CD320: variants seen among roughly 807,000 people sequenced by gnomAD.
CD320 encodes CD320 antigen.
A neutral mutation model predicts 22.1 loss-of-function variants in CD320; 16 were observed. That is an observed-to-expected ratio of 0.73 (90% CI 0.49 to 1.10). CD320 has a LOEUF of 1.10. CD320 is among the 50% of genes least tolerant of loss of function. CD320 has a pLI of 0.00. For missense variants in CD320, 388 were observed against 376.9 expected, an observed-to-expected ratio of 1.03 and a Z score of -0.24; for synonymous variants, 188 against 167.8, an observed-to-expected ratio of 1.12 and a Z score of -0.93.
rs1451434573 is a variant in CD320 at position 8,302,306 on chromosome 19, A to C, written c.*157T>G. On this transcript the variant is annotated 3_prime_UTR_variant, in exon 5 of 5. Transcript: ENST00000301458. ...GAGTGTCCAGGGACCCTCAATCTCCAGGGCCACTTCTGCAGGAGCTCGGGT... is the reference window on the plus strand; with the variant it reads ...GAGTGTCCAGGGACCCTCAATCTCCCGGGCCACTTCTGCAGGAGCTCGGGT... 3 of 913,724 alleles carry C rather than the reference A, an allele frequency of 3.3e-6. No individual in the cohort carries two copies. In the Admixed American group the frequency reaches 5.4e-5, roughly 16 times the overall value. The allele number at this position is 913,724 out of a possible 1,614,324, so 56.6% of individuals were successfully genotyped here.
chr19:8,304,933 G>A, intron 2 of CD320, 98 bp downstream of exon 2: 1 of 1,446,804 alleles, frequency 6.9e-7, no homozygotes, highest in Non-Finnish European at 9.5e-7. Flanking sequence ...CTGCGGCCCT[G>A]CCTTTCCCAC....
chr19:8,306,896 G>A (rs528245991), intron 1 of CD320, among the ~76,000 whole-genome samples: 137 of 152,304 alleles, frequency 9.0e-4, no homozygotes, highest in African/African-American at 2.9e-3. Context: ...CGCCTCATAG[G>A]GTGTAAGCCT....
In CD320 at chr19:8,303,874, G is replaced by A. The variant is rs2232784; in HGVS notation, c.483C>T (p.Ser161=). The change falls in exon 3 of 5, where the codon TCC becomes TCT. Residue 161 remains serine (S), a synonymous_variant. Transcript: ENST00000301458. The stretch of plus-strand genomic sequence containing the variant: ...GCATACCACAGCCGAGCTCGTCGCT[G>A]GAGTCGGGACAGTCTGGGTGGCCGT... The part of the protein sequence containing the change: ...RCDGHPDCPD[S]SDELGCGTNE... 80,495 of 1,602,380 alleles carry A rather than the reference G, an allele frequency of 0.05. 4,805 individuals carry two copies. The highest frequency in any genetic ancestry group is 0.31 in the African/African-American group (22,914 of 74,724).
intron 3 of CD320, among the ~76,000 whole-genome samples, chr19:8,303,332 G>C (rs916130993): frequency 6.6e-6 from 1 of 151,798 alleles, no homozygotes; most frequent in South Asian, 2.1e-4. Context: ...GGCCAGACTG[G>C]TCTCGAACAC....
chr19:8,303,114 C>CA, intron 3 of CD320, 134 bp from the exon 4 acceptor site: 2 of 519,766 alleles, frequency 3.8e-6, no homozygotes, highest in Non-Finnish European at 3.4e-6. Context: ...GTAATTATGT[C>CA]TTTTTTTTTT....
At chr19:8,308,028 C>G in intron 1 of CD320, 121 bp downstream of exon 1, 1 of 1,026,854 alleles carries the variant, frequency 9.7e-7, no homozygotes, top group Non-Finnish European at 1.3e-6. Context: ...TCCAAGTCCA[C>G]GTGCTGGGGG....
chr19:8,308,356 CGCGCGG>C (rs1486406569), exon 1 of CD320: 25 of 1,543,862 alleles, frequency 1.6e-5, no homozygotes, highest in Non-Finnish European at 1.9e-5. Context: ...CGCACGCGCA[CGCGCGG>C]GGTTGGGGCG....
At chr19:8,308,117 G>A (rs1970122025) in intron 1 of CD320, 32 bp downstream of exon 1, 2 of 1,463,486 alleles carry the variant, frequency 1.4e-6, no homozygotes, top group South Asian at 1.4e-5. Context: ...CCTCGCGAGG[G>A]GTGGGAGCCC....
chr19:8,304,683 T>C lies in CD320; in HGVS notation c.268+348A>G, dbSNP rs575958970. 1,093 of 200,950 alleles carry C rather than the reference T, an allele frequency of 5.4e-3. 25 individuals are homozygous for C. The highest frequency in any genetic ancestry group is 0.042 in the African/African-American group (1,040 of 24,788). The allele number at this position is 200,950 out of a possible 1,614,324, so 12.4% of individuals were successfully genotyped here. On this transcript the variant is annotated intron_variant, in intron 2 of 4. Transcript: ENST00000301458. ...TCCTTCCTTTCTTTCCTTTCTTTCA[T>C]TTTTCTTTTTTTTTTCTTTTTCTTT...
rs1568556177 is a variant in CD320, at chr19:8,302,772, C to T, written c.706+5G>A. ...CCCCAGCATGGGAGGGTAAGTCCCT[C>T]TTACCAGCAGCTGCAATAACCCCAT... is the stretch of plus-strand genomic sequence containing the variant. On this transcript the variant is annotated splice_donor_5th_base_variant and intron_variant, in intron 4 of 4. Transcript: ENST00000301458. 19 of 1,614,108 alleles carry T rather than the reference C, an allele frequency of 1.2e-5. No individual in the cohort carries two copies. The highest frequency in any genetic ancestry group is 1.3e-5 in the Non-Finnish European group (15 of 1,179,994).
chr19:8,308,058 C>G (rs1450616439), intron 1 of CD320, 91 bp downstream of exon 1: 1 of 1,237,918 alleles, frequency 8.1e-7, no homozygotes, highest in African/African-American at 1.6e-5. Context: ...AACTGACGTG[C>G]GGTGCAGCCA....
chr19:8,304,991 C>T, intron 2 of CD320, 40 bp downstream of exon 2: 1 of 1,597,592 alleles, frequency 6.3e-7, no homozygotes, highest in Non-Finnish European at 8.5e-7. Context: ...CCCTCAGGCC[C>T]CGCCCCCTGT....
At chr19:8,303,112 GTCT>G (rs1970034525) in intron 3 of CD320, 132 bp from the exon 4 acceptor site, 1 of 600,550 alleles carries the variant, frequency 1.7e-6, no homozygotes, top group Non-Finnish European at 2.9e-6. Flanking sequence ...CCGTAATTAT[GTCT>G]TTTTTTTTTT....
chr19:8,308,008 A>G (rs1180493384), intron 1 of CD320, 141 bp downstream of exon 1: 4 of 898,298 alleles, frequency 4.5e-6, no homozygotes, highest in East Asian at 6.1e-5. Flanking sequence ...CCTTCCCACA[A>G]GCGATGAAGT....
intron 2 of CD320, chr19:8,304,699 C>CT: frequency 2.9e-5 from 5 of 175,070 alleles, no homozygotes; most frequent in Admixed American, 6.5e-5. Context: ...TTTTTTTTTT[C>CT]TTTTTCTTTT....
intron 1 of CD320, chr19:8,305,567 G>C (rs1057390316): frequency 8.2e-6 from 2 of 244,612 alleles, no homozygotes; most frequent in African/African-American, 4.4e-5. Flanking sequence ...TTAGCCGGGC[G>C]TGGTAGTGCA....
chr19:8,307,445 G>T (rs962926344), intron 1 of CD320, among the ~76,000 whole-genome samples: 3 of 152,184 alleles, frequency 2.0e-5, no homozygotes, highest in African/African-American at 7.2e-5. Context: ...AGCTGGGAAA[G>T]TGTGTGAGCC....
At chr19:8,303,044 G>A (rs1970033204) in intron 3 of CD320, 64 bp from the exon 4 acceptor site, 5 of 1,393,150 alleles carry the variant, frequency 3.6e-6, no homozygotes, top group Admixed American at 1.8e-5. Context: ...GGGGCCAGAT[G>A]CCCAGGGGAG....
intron 2 of CD320, chr19:8,304,798 A>C (rs1396768032): frequency 3.8e-6 from 2 of 527,896 alleles, no homozygotes; most frequent in South Asian, 2.0e-5. Flanking sequence ...CCCAGGATCA[A>C]GTGATCGATC....
Sources: allele counts gnomAD v4.1 joint callset (sites outside exome capture counted in the v4.1 genomes callset), GRCh38; gene constraint gnomAD v4.1.1; transcripts MANE v1.5; gene names NCBI Gene and HGNC (gene_info 2026-07-23, HGNC 2026-07-21).